TES: variants seen among roughly 807,000 people sequenced by gnomAD.
The protein encoded by TES is testin.
Under a neutral mutation model 48.2 loss-of-function variants are expected in TES, and 41 were observed. The observed-to-expected ratio is 0.85, with a 90% CI of 0.66 to 1.10. TES has a LOEUF of 1.10. Ranked by LOEUF, TES falls within the 50% of genes least tolerant of loss-of-function variation. The pLI, the probability that TES is intolerant of heterozygous loss-of-function variation, is 0.00. For synonymous variants in TES, 162 were observed against 174.9 expected, an observed-to-expected ratio of 0.93 and a Z score of 0.58; for missense variants, 463 against 515.1, an observed-to-expected ratio of 0.90 and a Z score of 0.98.
intron 2 of TES, among the ~76,000 whole-genome samples, chr7:116,235,536 C>G (rs1164896764): frequency 6.6e-6 from 1 of 152,108 alleles, no homozygotes; most frequent in African/African-American, 2.4e-5. Context: ...TGTGAATTTT[C>G]TATAGATCTT....
rs758545441 is a variant in TES at position 116,257,320 on chromosome 7, C to T, written c.1104C>T (p.Ile368=). ...TGTGTCAAGGATGCCACAATGCCAT[C>T]GACCCAGAAGTGCAGCGGGTGACCT... is the stretch of plus-strand genomic sequence containing the variant. The part of the protein sequence containing the change: ...AVVCQGCHNA[I]DPEVQRVTYN... The change falls in exon 7 of 7, where the codon ATC becomes ATT. Residue 368 remains isoleucine (I), a synonymous_variant. Coordinates refer to ENST00000358204, the MANE Select transcript of TES (RefSeq NM_015641.4). The T allele has an allele frequency of 3.7e-6, 6 of 1,611,994 alleles. No homozygotes were observed. Among genetic ancestry groups the T allele is most frequent in the South Asian group, 1.1e-5 (1 of 90,732 alleles).
rs201105521 is a variant in TES, at chr7:116,252,334, A to G, written c.935A>G (p.Glu312Gly). 3.1e-5 allele frequency: 50 copies of G among 1,613,012 alleles called. 1 individual carries two copies. The East Asian group carries it at 9.8e-4, about 32-fold the overall frequency. ...TCTTCCTAGCTGATATTCAGCAATG[A>G]GTATACCCAGGCAGAAAACCAGAAT... Reference protein sequence around the residue: ...AGCDELIFSNEYTQAENQNWH... With the variant: ...AGCDELIFSNGYTQAENQNWH... The change falls in exon 6 of 7, where the codon GAG (glutamate) becomes GGG (glycine). Residue 312 changes from glutamate to glycine, a missense_variant. Glu to Gly is a moderately conservative substitution (Grantham distance 98). Transcript: ENST00000358204.
At chr7:116,217,978 A>C (rs577496925) in intron 1 of TES, 2 of 479,760 alleles carry the variant, frequency 4.2e-6, no homozygotes, top group African/African-American at 3.9e-5. Context: ...AAATTCAAAA[A>C]AGTAAAAAAG....
chr7:116,251,730 C>G lies in TES; in HGVS notation c.703-30C>G, dbSNP rs1350562806. On this transcript the variant is annotated intron_variant, in intron 4 of 6. Coordinates refer to ENST00000358204, the MANE Select transcript of TES (RefSeq NM_015641.4). ...AAAAGAAATGGCAGTCTTCTAATGACTAGGTTGTTCTGGATGGCTTCCCTT... is the reference window on the plus strand; with the variant it reads ...AAAAGAAATGGCAGTCTTCTAATGAGTAGGTTGTTCTGGATGGCTTCCCTT... The G allele has an allele frequency of 2.6e-6, 4 of 1,564,898 alleles. No homozygotes were observed. In the South Asian group the frequency reaches 4.4e-5, roughly 17 times the overall value.
chr7:116,229,113 A>G (rs1462302761), intron 1 of TES, among the ~76,000 whole-genome samples: 2 of 150,680 alleles, frequency 1.3e-5, no homozygotes, highest in Non-Finnish European at 2.9e-5. Context: ...TATTTGTCCA[A>G]GGGTCTAGAT....
intron 1 of TES, among the ~76,000 whole-genome samples, chr7:116,214,893 GA>G (rs1799477326): frequency 6.6e-6 from 1 of 152,054 alleles, no homozygotes; most frequent in Non-Finnish European, 1.5e-5. Flanking sequence ...CCACCTAGAT[GA>G]AAAATATTTT....
In TES at chr7:116,251,987, G is replaced by A; in HGVS notation, c.918+12G>A. Reference sequence around the variant, plus strand: ...CTGGCTGTGACGAGGTATGTTCTATGGGACCACCGGCATGCTGGTGCCCTC... The same window carrying A: ...CTGGCTGTGACGAGGTATGTTCTATAGGACCACCGGCATGCTGGTGCCCTC... On this transcript the variant is annotated intron_variant, in intron 5 of 6. Coordinates refer to ENST00000358204, the MANE Select transcript of TES (RefSeq NM_015641.4). 6.2e-7 allele frequency: 1 copy of A among 1,613,438 alleles called. No individual in the cohort carries two copies.
intron 1 of TES, among the ~76,000 whole-genome samples, chr7:116,229,033 T>TATATATATATATATATAC (rs1417517023): frequency 8.7e-6 from 1 of 115,496 alleles, no homozygotes; most frequent in African/African-American, 3.4e-5. Flanking sequence ...TATATATATA[T>TATATATATATATATATAC]AATCATTTCC....
At chr7:116,229,811 A>G (rs1364727594) in intron 1 of TES, among the ~76,000 whole-genome samples, 1 of 152,224 alleles carries the variant, frequency 6.6e-6, no homozygotes, top group African/African-American at 2.4e-5. Context: ...ATTCAATCTG[A>G]AACTAGGCAC....
chr7:116,219,267 A>G (rs1799529346), intron 1 of TES, among the ~76,000 whole-genome samples: 2 of 152,150 alleles, frequency 1.3e-5, no homozygotes. Context: ...TGTCTCTTCT[A>G]AAATAAAGCT....
intron 2 of TES, among the ~76,000 whole-genome samples, chr7:116,237,188 C>T (rs1310356448): frequency 2.0e-5 from 3 of 152,182 alleles, no homozygotes; most frequent in Non-Finnish European, 4.4e-5. Flanking sequence ...GATCCCATGA[C>T]CCTGCCCACT....
intron 6 of TES, among the ~76,000 whole-genome samples, chr7:116,253,413 C>T (rs1800047232): frequency 6.6e-6 from 1 of 152,112 alleles, no homozygotes; most frequent in African/African-American, 2.4e-5. Context: ...AACCATTCTA[C>T]TTTAGACCTT....
At chr7:116,241,419 C>T (rs1414453515) in intron 2 of TES, among the ~76,000 whole-genome samples, 1 of 152,154 alleles carries the variant, frequency 6.6e-6, no homozygotes, top group African/African-American at 2.4e-5. Context: ...GTAGCTGGCT[C>T]TTCTCCTTGT....
intron 6 of TES, among the ~76,000 whole-genome samples, chr7:116,253,646 G>C (rs925501984): frequency 1.2e-4 from 18 of 152,194 alleles, no homozygotes; most frequent in African/African-American, 4.3e-4. Flanking sequence ...TCATTTTCTA[G>C]TTTACACACT....
At position 116,250,074 on chromosome 7, in the gene TES, T is replaced by C; in HGVS notation, c.367-87T>C. 4.2e-6 allele frequency: 5 copies of C among 1,191,138 alleles called. No homozygotes were observed. The Admixed American group carries it at 1.2e-4, about 28-fold the overall frequency. 73.8% of individuals were successfully genotyped at this position (1,191,138 alleles called of 1,614,324 possible). On this transcript the variant is annotated intron_variant, in intron 3 of 6. Transcript: ENST00000358204. ...CTATTGGATAGAACCCACTTCTTTC[T>C]TAAGTAACTTGCTTCTGATGTGTGT...
rs560831690 is a variant in TES, at chr7:116,246,118, A to G, written c.114-2902A>G. Among the ~76,000 whole-genome samples the G allele has an allele frequency of 4.6e-5, 7 of 152,282 alleles. 1 individual carries two copies. Among genetic ancestry groups the G allele is most frequent in the African/African-American group, 1.7e-4 (7 of 41,548 alleles). ...ACTGAGCCTTCCCTTTGCCATCACTATGTCCAAATAAACCACTAAGTTTAG... is the reference window on the plus strand; with the variant it reads ...ACTGAGCCTTCCCTTTGCCATCACTGTGTCCAAATAAACCACTAAGTTTAG... On this transcript the variant is annotated intron_variant, in intron 2 of 6. Transcript: ENST00000358204.
chr7:116,249,488 T>G, intron 3 of TES: 1 of 552,436 alleles, frequency 1.8e-6, no homozygotes, highest in East Asian at 3.0e-5. Context: ...TTTACCTTTT[T>G]GAGGGAATGG....
intron 1 of TES, among the ~76,000 whole-genome samples, chr7:116,233,340 T>C (rs573190390): frequency 3.3e-5 from 5 of 152,304 alleles, no homozygotes; most frequent in Admixed American, 6.5e-5. Flanking sequence ...CTTCCACTTA[T>C]TAGGCCATGT....
intron 6 of TES, among the ~76,000 whole-genome samples, chr7:116,254,364 T>C (rs1435423737): frequency 6.6e-6 from 1 of 152,188 alleles, no homozygotes; most frequent in Non-Finnish European, 1.5e-5. Flanking sequence ...TTACATTGTT[T>C]CTAATCAATG....
Sources: allele counts gnomAD v4.1 joint callset (sites outside exome capture counted in the v4.1 genomes callset), GRCh38; gene constraint gnomAD v4.1.1; transcripts MANE v1.5; gene names NCBI Gene and HGNC (gene_info 2026-07-23, HGNC 2026-07-21).